The following SZT2 variants were observed in gnomAD, a reference collection of about 807,000 sequenced individuals.
SZT2 encodes KICSTOR complex protein SZT2.
A neutral mutation model predicts 404.2 loss-of-function variants in SZT2; 216 were observed. That is an observed-to-expected ratio of 0.53 (90% CI 0.48 to 0.60). The LOEUF is 0.60. Among genes scored for constraint, SZT2 ranks in the 20% least tolerant of loss-of-function variants. The pLI, the probability that SZT2 is intolerant of heterozygous loss-of-function variation, is 0.00. For synonymous variants in SZT2, 1,693 were observed against 1,749.9 expected, an observed-to-expected ratio of 0.97 and a Z score of 0.81; for missense variants, 3,857 against 4,459.2, an observed-to-expected ratio of 0.86 and a Z score of 3.85.
In SZT2 at chr1:43,448,691, G is replaced by A. The variant is rs375198085; in HGVS notation, c.10049G>A (p.Arg3350His). ...CTAAGCCGCTTCCCCCAGAGCTGTC[G>A]CCATTTCCAAAGCCCAGACTTGGGA... ...VLLSRFPQSC[R>H]HFQSPDLGTQ... Residue 3350 changes from arginine (R) to histidine (H), a missense_variant, in exon 70 of 72, where the codon CGC becomes CAC. By Grantham distance (29) the Arg-to-His change is conservative. Transcript: ENST00000634258. The surrounding 1 kb of genome is among the most constrained non-coding windows in gnomAD (Gnocchi z 4.2). 6 of 1,614,156 alleles carry A rather than the reference G, an allele frequency of 3.7e-6. No individual in the cohort carries two copies. The highest frequency in any genetic ancestry group is 5.1e-6 in the Non-Finnish European group (6 of 1,180,034).
chr1:43,432,062 C>T (rs1207122007), intron 36 of SZT2, among the ~76,000 whole-genome samples, 161 bp downstream of exon 36: 1 of 152,218 alleles, frequency 6.6e-6, no homozygotes, highest in Non-Finnish European at 1.5e-5. Flanking sequence ...TGCTTGGCAG[C>T]CCAACTCACT....
rs552956642 is a variant in SZT2 at position 43,431,525 on chromosome 1, T to C, written c.5088+2T>C. The C allele has an allele frequency of 9.9e-6, 16 of 1,614,040 alleles. No homozygotes were observed. The South Asian group carries it at 1.6e-4, about 17-fold the overall frequency. The stretch of plus-strand genomic sequence containing the variant: ...GCTATTGAGACCACCATGAATGAGG[T>C]GAGCCCCCCACCCCCAACACTGTAA... On this transcript the variant is annotated splice_donor_variant, in intron 35 of 71. Transcript: ENST00000634258. LOFTEE classifies it high-confidence loss of function.
intron 1 of SZT2, among the ~76,000 whole-genome samples, chr1:43,392,811 T>C (rs759475153): frequency 2.0e-5 from 3 of 152,218 alleles, no homozygotes; most frequent in Non-Finnish European, 2.9e-5. Context: ...AATAAAGTTA[T>C]TGACTTTTAG....
In SZT2 at chr1:43,424,842, G is replaced by C. The variant is rs1652949244; in HGVS notation, c.2530G>C (p.Val844Leu). ...CAGTGGGGAAGGAATCATCAACATG[G>C]TTCTGGAGCTTCCAATTCAGGTACG... Reference protein sequence around the residue: ...ACSGEGIINMVLELPIQNEPP... With the variant: ...ACSGEGIINMLLELPIQNEPP... Residue 844 changes from valine (V) to leucine (L), a missense_variant, in exon 17 of 72, where the codon GTT (valine) becomes CTT (leucine). Around this residue, in one of 7 missense-constraint regions of SZT2, gnomAD observed 1,725 missense variants for 1,881.0 expected, o/e 0.92. Transcript: ENST00000634258. The surrounding 1 kb of genome is among the most constrained non-coding windows in gnomAD (Gnocchi z 4.1). The C allele has an allele frequency of 1.2e-6, 2 of 1,613,910 alleles. No homozygotes were observed. The highest frequency in any genetic ancestry group is 2.7e-5 in the African/African-American group (2 of 74,896).
rs377454933 is a variant in SZT2 at position 43,433,028 on chromosome 1, C to T, written c.5642C>T (p.Pro1881Leu). The change falls in exon 40 of 72, where the codon CCC becomes CTC. Residue 1881 changes from proline (P) to leucine (L), a missense_variant. Physicochemically the swap from Pro to Leu is moderately conservative, Grantham distance 98. Coordinates refer to ENST00000634258, the MANE Select transcript of SZT2 (RefSeq NM_001365999.1). Reference sequence around the variant, plus strand: ...AGCAGTGGCTCAGACAGTGAGGGTCCCAATGACACCCTTGGTGAGAAGGCC... The same window carrying T: ...AGCAGTGGCTCAGACAGTGAGGGTCTCAATGACACCCTTGGTGAGAAGGCC... Reference protein sequence around the residue: ...GGSSGSDSEGPNDTLGEKAPF... With the variant: ...GGSSGSDSEGLNDTLGEKAPF... 6.8e-6 allele frequency: 11 copies of T among 1,613,948 alleles called. No homozygotes were observed. In the African/African-American group the frequency reaches 1.2e-4, roughly 18 times the overall value.
At chr1:43,435,732 T>C (rs139538691) in intron 42 of SZT2, 124 of 164,680 alleles carry the variant, frequency 7.5e-4, no homozygotes, top group African/African-American at 2.8e-3. Flanking sequence ...GTTTATATTC[T>C]ATAGGGAAAG....
Position 43,420,881 on chromosome 1 carries a change from G to A in SZT2, c.1394G>A (p.Gly465Asp). 1 of 1,598,472 alleles carries A rather than the reference G, an allele frequency of 6.3e-7. No homozygotes were observed. Among genetic ancestry groups the A allele is most frequent in the Non-Finnish European group, 8.5e-7 (1 of 1,179,820 alleles). Residue 465 changes from glycine to aspartate, a missense_variant, in exon 10 of 72, where the codon GGC (glycine) becomes GAC (aspartate). Transcript: ENST00000634258. The surrounding 1 kb of genome is among the most constrained non-coding windows in gnomAD (Gnocchi z 5.1). ...ACACGGGTGGAAGTGACGATGGAAGGCGGCTACGACATTTTGCATGATGTG... is the reference window on the plus strand; with the variant it reads ...ACACGGGTGGAAGTGACGATGGAAGACGGCTACGACATTTTGCATGATGTG... ...RVTRVEVTME[G>D]GYDILHDVSC...
rs745942076 is a variant in SZT2 at position 43,443,472 on chromosome 1, G to C, written c.8620G>C (p.Gly2874Arg). Residue 2874 changes from glycine (G) to arginine (R), a missense_variant, in exon 61 of 72, where the codon GGG becomes CGG. By Grantham distance (125) the Gly-to-Arg change is moderately radical. This residue lies in a region of SZT2 where 717 missense variants were observed against 868.2 expected (regional missense o/e 0.83). Coordinates refer to ENST00000634258, the MANE Select transcript of SZT2 (RefSeq NM_001365999.1). ...CCCAGAGACCTCTGGACCCCCTGACGGGCAGGTAAGGCTGACTCCCAGACT... is the reference window on the plus strand; with the variant it reads ...CCCAGAGACCTCTGGACCCCCTGACCGGCAGGTAAGGCTGACTCCCAGACT... ...GPPETSGPPD[G>R]QRRHRPESGS... The C allele has an allele frequency of 6.2e-7, 1 of 1,614,072 alleles. No homozygotes were observed. The highest frequency in any genetic ancestry group is 2.2e-5 in the East Asian group (1 of 44,850).
rs1248267545 is a variant in SZT2 at position 43,428,020 on chromosome 1, A to G, written c.3821A>G (p.His1274Arg). ...DLIFRTQFLD[H>R]PSPSSAWMEP... ...TTTCCTAGGACTCAGTTCCTCGACC[A>G]CCCCTCCCCATCCTCAGCCTGGATG... Residue 1274 changes from histidine to arginine, a missense_variant, in exon 27 of 72, where the codon CAC (histidine) becomes CGC (arginine). Physicochemically the swap from His to Arg is conservative, Grantham distance 29. This residue lies in a region of SZT2 where 1,725 missense variants were observed against 1,881.0 expected (regional missense o/e 0.92). Transcript: ENST00000634258. 3 of 1,613,608 alleles carry G rather than the reference A, an allele frequency of 1.9e-6. No individual in the cohort carries two copies. Among genetic ancestry groups the G allele is most frequent in the South Asian group, 1.1e-5 (1 of 91,052 alleles).
At position 43,422,077 on chromosome 1, in the gene SZT2, C is replaced by T; in HGVS notation, c.1627-6C>T. 1 of 1,593,338 alleles carries T rather than the reference C, an allele frequency of 6.3e-7. No individual in the cohort carries two copies. The highest frequency in any genetic ancestry group is 2.2e-5 in the East Asian group (1 of 44,708). ...GCTCCTATAGTGCTGTCCTTCCTGT[C>T]CTCAGGTGCTCTCCCTCCAGCCCAG... On this transcript the variant is annotated splice_polypyrimidine_tract_variant and splice_region_variant and intron_variant, in intron 11 of 71. Transcript: ENST00000634258.
At chr1:43,423,658 G>A (rs1652747107) in intron 15 of SZT2, among the ~76,000 whole-genome samples, 1 of 147,572 alleles carries the variant, frequency 6.8e-6, no homozygotes, top group Non-Finnish European at 1.5e-5. Flanking sequence ...AGGTGTGGAA[G>A]GGTCTGGCCT....
chr1:43,421,119 C>T (rs929639911), intron 10 of SZT2, 55 bp from the exon 11 acceptor site: 2 of 1,597,064 alleles, frequency 1.3e-6, no homozygotes, highest in Non-Finnish European at 1.7e-6. Flanking sequence ...TAAGGCTCCC[C>T]TCATCTGCAC....
chr1:43,439,390 C>G lies in SZT2; in HGVS notation c.6825C>G (p.Asp2275Glu), dbSNP rs757157723. 29 of 1,613,578 alleles carry G rather than the reference C, an allele frequency of 1.8e-5. No homozygotes were observed. Among genetic ancestry groups the G allele is most frequent in the African/African-American group, 2.7e-5 (2 of 74,934 alleles). The change falls in exon 49 of 72, where the codon GAC becomes GAG. Residue 2275 changes from aspartate (D) to glutamate (E), a missense_variant. Asp to Glu is a conservative substitution (Grantham distance 45). Transcript: ENST00000634258. The surrounding 1 kb of genome is among the most constrained non-coding windows in gnomAD (Gnocchi z 4.2). ...HPLPPQGGLP[D>E]LDIYLYNKPG... ...TCCCACCACAGGGTGGCCTCCCTGA[C>G]TTGGACATCTACTTGTATAACAAGC...
chr1:43,431,133 G>T, intron 33 of SZT2, 43 bp downstream of exon 33: 1 of 1,603,168 alleles, frequency 6.2e-7, no homozygotes, highest in Non-Finnish European at 8.5e-7. Context: ...CCTTTTTAGG[G>T]TAGGGGGACC....
chr1:43,431,943 G>A lies in SZT2; in HGVS notation c.5274+42G>A, dbSNP rs771265273. 1.1e-5 allele frequency: 17 copies of A among 1,605,108 alleles called. No homozygotes were observed. In the South Asian group the frequency reaches 1.1e-4, roughly 10 times the overall value. On this transcript the variant is annotated intron_variant, in intron 36 of 71. Transcript: ENST00000634258. Reference sequence around the variant, plus strand: ...ACACTGCAGGGTCACCTTGGGGCCCGTCCTTCCCTGGGCCCCAGGCACAGG... The same window carrying A: ...ACACTGCAGGGTCACCTTGGGGCCCATCCTTCCCTGGGCCCCAGGCACAGG...
chr1:43,433,579 C>A (rs920295879), intron 40 of SZT2, among the ~76,000 whole-genome samples: 2 of 152,118 alleles, frequency 1.3e-5, no homozygotes, highest in Admixed American at 6.5e-5. Context: ...GTTAGGAGTT[C>A]GATACCAGCC....
chr1:43,448,749 T>A lies in SZT2; in HGVS notation c.10086+21T>A. 1.2e-6 allele frequency: 2 copies of A among 1,600,650 alleles called. No homozygotes were observed. The highest frequency in any genetic ancestry group is 2.7e-5 in the African/African-American group (2 of 74,750). Reference sequence around the variant, plus strand: ...ACCTGGTAAGTCCCCTTGAGCTTCCTCTGAAAAGGGAAACACAGCAGAAAT... The same window carrying A: ...ACCTGGTAAGTCCCCTTGAGCTTCCACTGAAAAGGGAAACACAGCAGAAAT... On this transcript the variant is annotated intron_variant, in intron 70 of 71. Transcript: ENST00000634258. The surrounding 1 kb of genome is among the most constrained non-coding windows in gnomAD (Gnocchi z 4.2).
At position 43,443,829 on chromosome 1, in the gene SZT2, TC is replaced by T. The variant is rs768369619; in HGVS notation, c.8825+35del. On this transcript the variant is annotated intron_variant, in intron 62 of 71. Transcript: ENST00000634258. ...CGTCCCTGTTTTCCCTTCTGTCTTC[TC>T]CTCCTGCACTGCAAGTGAGGCCCCA... 9.9e-6 allele frequency: 16 copies of T among 1,611,452 alleles called. No homozygotes were observed. The South Asian group carries it at 1.8e-4, about 18-fold the overall frequency.
chr1:43,438,004 C>G lies in SZT2; in HGVS notation c.6508+102C>G. On this transcript the variant is annotated intron_variant, in intron 46 of 71. Transcript: ENST00000634258. ...AAGCATTACACTAGAAGTTATGTAA[C>G]AGTCTCAGCCCAAGACCTGACACAT... is the stretch of plus-strand genomic sequence containing the variant. The G allele has an allele frequency of 3.3e-6, 4 of 1,211,064 alleles. No individual in the cohort carries two copies. In the South Asian group the frequency reaches 5.1e-5, roughly 15 times the overall value. The allele number at this position is 1,211,064 out of a possible 1,614,324, so 75.0% of individuals were successfully genotyped here.
Sources: allele counts gnomAD v4.1 joint callset (sites outside exome capture counted in the v4.1 genomes callset), GRCh38; gene constraint gnomAD v4.1.1; regional missense constraint gnomAD v4.1.1; non-coding constraint Gnocchi (gnomAD v3.1); transcripts MANE v1.5; gene names NCBI Gene and HGNC (gene_info 2026-07-23, HGNC 2026-07-21).